Variants in PTPRN2 observed in about 807,000 individuals in gnomAD.
The protein encoded by PTPRN2 is protein tyrosine phosphatase receptor type N2, also known as receptor-type tyrosine-protein phosphatase N2.
A neutral mutation model predicts 118.8 loss-of-function variants in PTPRN2; 74 were observed. The observed-to-expected ratio is 0.62, with a 90% CI of 0.52 to 0.76. The LOEUF is 0.76. Among genes scored for constraint, PTPRN2 ranks in the 30% least tolerant of loss-of-function variants. The pLI is 0.00. For synonymous variants in PTPRN2, 641 were observed against 608.0 expected, an observed-to-expected ratio of 1.05 and a Z score of -0.80; for missense variants, 1,481 against 1,394.4, an observed-to-expected ratio of 1.06 and a Z score of -0.99.
At chr7:158,439,547 C>T (rs1242870184) in intron 2 of PTPRN2, among the ~76,000 whole-genome samples, 5 of 152,122 alleles carry the variant, frequency 3.3e-5, no homozygotes, top group Non-Finnish European at 5.9e-5. Flanking sequence ...GAGGAGGAAA[C>T]AGTAATCTTT....
At chr7:158,523,044 G>A (rs956240857) in intron 1 of PTPRN2, among the ~76,000 whole-genome samples, 2 of 152,230 alleles carry the variant, frequency 1.3e-5, no homozygotes, top group African/African-American at 4.8e-5. Context: ...GGGATTGTCA[G>A]CATCACCGTG....
rs984736609 is a variant in PTPRN2 at position 157,794,395 on chromosome 7, T to C, written c.1788+104278A>G. 3.3e-5 allele frequency among the ~76,000 whole-genome samples: 5 copies of C among 152,228 alleles called. No homozygotes were observed. In the East Asian group the frequency reaches 9.6e-4, roughly 29 times the overall value. On this transcript the variant is annotated intron_variant, in intron 12 of 22. Transcript: ENST00000389418. This position sits in a 1 kb window ranked among gnomAD's most constrained non-coding sequence, Gnocchi z 5.2. ...GGCCGGCCTACGGGCACTCGGGCAGTGCGGTGACCAATTATAGCGTCGACG... is the reference window on the plus strand; with the variant it reads ...GGCCGGCCTACGGGCACTCGGGCAGCGCGGTGACCAATTATAGCGTCGACG...
chr7:158,404,962 T>C lies in PTPRN2; in HGVS notation c.163+84773A>G, dbSNP rs1441491160. ...CCCAGCTCCCCAGCTCCCAGCTCCC[T>C]GGCCTCCAGCTCCTCAGCCTCAGCT... On this transcript the variant is annotated intron_variant, in intron 2 of 22. Coordinates refer to ENST00000389418, the MANE Select transcript of PTPRN2 (RefSeq NM_002847.5). Among the ~76,000 whole-genome samples, 130 of 91,970 alleles carry C rather than the reference T, an allele frequency of 1.4e-3. 1 individual carries two copies. Among genetic ancestry groups the C allele is most frequent in the African/African-American group, 4.0e-3 (94 of 23,378 alleles). 60.3% of individuals were successfully genotyped at this position (91,970 alleles called of 152,430 possible).
intron 2 of PTPRN2, among the ~76,000 whole-genome samples, chr7:158,328,803 C>T (rs966497857): frequency 6.8e-6 from 1 of 147,174 alleles, no homozygotes; most frequent in African/African-American, 2.5e-5. Flanking sequence ...TCCCCCCCCC[C>T]CGCCACCCAG....
At position 157,801,413 on chromosome 7, in the gene PTPRN2, G is replaced by C. The variant is rs552923884; in HGVS notation, c.1788+97260C>G. 2.0e-5 allele frequency among the ~76,000 whole-genome samples: 3 copies of C among 152,076 alleles called. No individual in the cohort carries two copies. The highest frequency in any genetic ancestry group is 3.4e-3 in the Middle Eastern group (1 of 294). On this transcript the variant is annotated intron_variant, in intron 12 of 22. Coordinates refer to ENST00000389418, the MANE Select transcript of PTPRN2 (RefSeq NM_002847.5). This position sits in a 1 kb window ranked among gnomAD's most constrained non-coding sequence, Gnocchi z 4.2. ...TTCACGGAGAGGCTCTGCATCACGA[G>C]AGTGCTGCGTTAACCCAGGTGCGGG...
chr7:158,277,653 A>T (rs778174043), intron 3 of PTPRN2, among the ~76,000 whole-genome samples: 20 of 152,182 alleles, frequency 1.3e-4, no homozygotes, highest in Non-Finnish European at 2.5e-4. Context: ...AGGGGCTGGG[A>T]CATATAGCTC....
At chr7:158,146,637 T>G (rs192166577) in intron 6 of PTPRN2, among the ~76,000 whole-genome samples, 1 of 146,590 alleles carries the variant, frequency 6.8e-6, no homozygotes, top group African/African-American at 2.6e-5. Context: ...AGAAGAATGG[T>G]GTGAACCCAG....
At chr7:158,077,071 G>A (rs1408262755) in intron 11 of PTPRN2, among the ~76,000 whole-genome samples, 1 of 152,228 alleles carries the variant, frequency 6.6e-6, no homozygotes, top group Non-Finnish European at 1.5e-5. Context: ...TGCTTTATGA[G>A]AGGCCAGAAG....
chr7:158,104,582 G>C (rs1443160875), intron 10 of PTPRN2, among the ~76,000 whole-genome samples: 1 of 152,090 alleles, frequency 6.6e-6, no homozygotes, highest in Non-Finnish European at 1.5e-5. Flanking sequence ...CAGTAGTGGA[G>C]GAGAGCTTGA....
At chr7:158,345,956 C>T (rs149272172) in intron 2 of PTPRN2, among the ~76,000 whole-genome samples, 298 of 152,230 alleles carry the variant, frequency 2.0e-3, no homozygotes, top group Middle Eastern at 0.01. Flanking sequence ...GTGGTGGAAA[C>T]CACCCGCATG....
intron 1 of PTPRN2, among the ~76,000 whole-genome samples, chr7:158,531,353 G>A (rs1002747783): frequency 3.9e-5 from 6 of 152,198 alleles, no homozygotes; most frequent in African/African-American, 7.2e-5. Flanking sequence ...GCTCAAGCCC[G>A]CGGCTGCCAC....
At chr7:157,817,663 G>A (rs568028532) in intron 12 of PTPRN2, among the ~76,000 whole-genome samples, 3 of 152,378 alleles carry the variant, frequency 2.0e-5, no homozygotes, top group Non-Finnish European at 2.9e-5. Flanking sequence ...AGCTACGGCC[G>A]GGGCCATCAA....
At chr7:158,472,743 A>C (rs1156736775) in intron 2 of PTPRN2, among the ~76,000 whole-genome samples, 2 of 152,180 alleles carry the variant, frequency 1.3e-5, no homozygotes, top group African/African-American at 4.8e-5. Flanking sequence ...ACGTCCCAAG[A>C]ATGATTAGAC....
intron 12 of PTPRN2, among the ~76,000 whole-genome samples, chr7:157,782,288 C>A (rs541235374): frequency 6.6e-6 from 1 of 152,230 alleles, no homozygotes; most frequent in East Asian, 1.9e-4. Flanking sequence ...CAGTCAACCA[C>A]GCTAAGTGGG....
At chr7:158,343,232 C>T (rs181071391) in intron 2 of PTPRN2, among the ~76,000 whole-genome samples, 21 of 152,134 alleles carry the variant, frequency 1.4e-4, no homozygotes, top group African/African-American at 2.4e-4. Flanking sequence ...TGATTAAAAA[C>T]GGGTAAAGGA....
At position 158,254,926 on chromosome 7, in the gene PTPRN2, T is replaced by C. The variant is rs532355903; in HGVS notation, c.278-49653A>G. Among the ~76,000 whole-genome samples the C allele has an allele frequency of 1.3e-4, 20 of 152,380 alleles. No individual in the cohort carries two copies. The South Asian group carries it at 4.1e-3, about 32-fold the overall frequency. ...GGACACGAATAATAAATGCGAAGCA[T>C]GGTGTTACAGGGAAAATCCCGAGGC... On this transcript the variant is annotated intron_variant, in intron 3 of 22. Coordinates refer to ENST00000389418, the MANE Select transcript of PTPRN2 (RefSeq NM_002847.5).
At chr7:157,918,036 C>T (rs10245118) in intron 11 of PTPRN2, among the ~76,000 whole-genome samples, 20,545 of 152,136 alleles carry the variant, frequency 0.14, 1,608 homozygotes, top group Non-Finnish European at 0.17. Context: ...CAGTCACAGC[C>T]CTCAAACCTA....
intron 1 of PTPRN2, among the ~76,000 whole-genome samples, chr7:158,494,875 T>C (rs1334328376): frequency 1.3e-5 from 2 of 152,102 alleles, no homozygotes; most frequent in African/African-American, 4.8e-5. Context: ...GATTTCCTCA[T>C]CTAAAAAATA....
chr7:158,121,917 A>C (rs1450949526), intron 9 of PTPRN2, among the ~76,000 whole-genome samples: 2 of 152,226 alleles, frequency 1.3e-5, no homozygotes, highest in Non-Finnish European at 2.9e-5. Flanking sequence ...CAAACAAGAC[A>C]GGGCTGACTG....
Sources: gnomAD v4.1 joint callset for allele counts (sites outside exome capture counted in the v4.1 genomes callset) on GRCh38, gnomAD v4.1.1 for gene constraint, Gnocchi (gnomAD v3.1) non-coding constraint, MANE v1.5 for transcripts, NCBI Gene and HGNC (gene_info 2026-07-23, HGNC 2026-07-21) for gene names.